The following IDS variants were observed in gnomAD, a reference collection of about 807,000 sequenced individuals.
The protein encoded by IDS is iduronate 2-sulfatase.
IDS carries 1 observed loss-of-function variant against 33.5 expected under a neutral mutation model. The observed-to-expected ratio is 0.03, with a 90% confidence interval of 0.01 to 0.14. The LOEUF (loss-of-function observed/expected upper bound fraction) is 0.14. Ranked by LOEUF, IDS falls within the 10% of genes least tolerant of loss-of-function variation. The pLI is 1.00. For synonymous variants in IDS, 191 were observed against 184.4 expected, an observed-to-expected ratio of 1.04 and a Z score of -0.29; for missense variants, 328 against 448.0, an observed-to-expected ratio of 0.73 and a Z score of 2.42.
In IDS at chrX:149,481,354, A is replaced by G. The variant is rs2089295411; in HGVS notation, c.*1392T>C. The G allele has an allele frequency of 8.9e-6, 1 of 112,532 alleles. No homozygotes were observed. The highest frequency in any genetic ancestry group is 9.4e-5 in the Admixed American group (1 of 10,659). The allele number at this position is 112,532 out of a possible 1,213,427, so 9.3% of individuals were successfully genotyped here. On this transcript the variant is annotated 3_prime_UTR_variant, in exon 9 of 9. Coordinates refer to ENST00000340855, the MANE Select transcript of IDS (RefSeq NM_000202.8). ...ATATAACCTCTATTGTAGGCTAATTAATTTTTAAAATCTGTCTAAAATTTA... is the reference window on the plus strand; with the variant it reads ...ATATAACCTCTATTGTAGGCTAATTGATTTTTAAAATCTGTCTAAAATTTA...
chrX:149,493,585 G>T (rs930560023), intron 6 of IDS, among the ~76,000 whole-genome samples: 6 of 111,440 alleles, frequency 5.4e-5, no homozygotes, highest in African/African-American at 2.0e-4. Context: ...TGGAGAGGCT[G>T]CAGGGTAGGT....
intron 4 of IDS, among the ~76,000 whole-genome samples, chrX:149,500,351 A>G (rs1184566609): frequency 8.9e-6 from 1 of 112,169 alleles, no homozygotes; most frequent in Non-Finnish European, 1.9e-5. Flanking sequence ...ACCCTTCCCA[A>G]CACGATGTTT....
chrX:149,490,245 A>ATT, intron 7 of IDS, 69 bp downstream of exon 7: 1 of 1,142,266 alleles, frequency 8.8e-7, no homozygotes. Context: ...GTCAATGGCA[A>ATT]TTTTGCAAAG....
intron 6 of IDS, among the ~76,000 whole-genome samples, chrX:149,493,024 G>T (rs1217184056): frequency 9.0e-6 from 1 of 111,579 alleles, no homozygotes; most frequent in Non-Finnish European, 1.9e-5. Context: ...AGGGGTGGTG[G>T]CCTGACCACG....
In IDS at chrX:149,483,088, G is replaced by T. The variant is rs1172957364; in HGVS notation, c.1311C>A (p.Asn437Lys). The stretch of plus-strand genomic sequence containing the variant: ...CACGGAATCGAAAATGCTTCAGAAG[G>T]TTCTTGCCTTCTCTGCACAGCTCAA... ...FHVELCREGKNLLKHFRFRDL... is the reference protein window; with the variant it reads ...FHVELCREGKKLLKHFRFRDL... The change falls in exon 9 of 9, where the codon AAC becomes AAA. Residue 437 changes from asparagine (N) to lysine (K), a missense_variant. By Grantham distance (94) the Asn-to-Lys change is moderately conservative. Coordinates refer to ENST00000340855, the MANE Select transcript of IDS (RefSeq NM_000202.8). 2 of 1,206,315 alleles carry T rather than the reference G, an allele frequency of 1.7e-6. No homozygotes were observed. The highest frequency in any genetic ancestry group is 2.2e-6 in the Non-Finnish European group (2 of 892,721).
chrX:149,501,148 TCA>T (rs2089477506), intron 3 of IDS, 111 bp from the exon 4 acceptor site: 2 of 490,156 alleles, frequency 4.1e-6, no homozygotes, highest in Non-Finnish European at 3.5e-6. Context: ...TCTTTGGGGC[TCA>T]GTTTCCTCAT....
chrX:149,482,456 C>A lies in IDS; in HGVS notation c.*290G>T. ...CTTCGTATCCAAAGGTATGACATAACTTGAGTTTGTTTGCTTTGTATTTAT... is the reference window on the plus strand; with the variant it reads ...CTTCGTATCCAAAGGTATGACATAAATTGAGTTTGTTTGCTTTGTATTTAT... On this transcript the variant is annotated 3_prime_UTR_variant, in exon 9 of 9. Coordinates refer to ENST00000340855, the MANE Select transcript of IDS (RefSeq NM_000202.8). 3.1e-6 allele frequency: 1 copy of A among 317,904 alleles called. No homozygotes were observed. Among genetic ancestry groups the A allele is most frequent in the Non-Finnish European group, 5.5e-6 (1 of 181,888 alleles). The allele number at this position is 317,904 out of a possible 1,213,427, so 26.2% of individuals were successfully genotyped here. A position where few individuals can be genotyped will look rare whatever the true frequency, so the allele number is the denominator to read the frequency against.
At chrX:149,496,260 G>T in intron 6 of IDS, 86 bp downstream of exon 6, 1 of 876,926 alleles carries the variant, frequency 1.1e-6, no homozygotes, top group Non-Finnish European at 1.7e-6. Flanking sequence ...CATTATAGGT[G>T]GAGTTGTGTC....
intron 3 of IDS, chrX:149,502,191 TTTA>T (rs2089485720): frequency 3.1e-6 from 1 of 327,128 alleles, no homozygotes; most frequent in Non-Finnish European, 5.9e-6. Context: ...CAGGGAAAGG[TTTA>T]TTCTCTGAGA....
At position 149,480,641 on chromosome X, in the gene IDS, G is replaced by A. The variant is rs781858361; in HGVS notation, c.*2105C>T. The A allele has an allele frequency of 1.2e-5, 3 of 248,160 alleles. No homozygotes were observed. Among genetic ancestry groups the A allele is most frequent in the Non-Finnish European group, 2.1e-5 (3 of 139,835 alleles). The allele number at this position is 248,160 out of a possible 1,213,427, so 20.5% of individuals were successfully genotyped here. The stretch of plus-strand genomic sequence containing the variant: ...ATTACAGGCATGCACCACCACACCC[G>A]GCTAACTTTTGTATTTTTAGTAGAG... On this transcript the variant is annotated 3_prime_UTR_variant, in exon 9 of 9. Transcript: ENST00000340855.
In IDS at chrX:149,505,106, A is replaced by G; in HGVS notation, c.32T>C (p.Leu11Pro). 4 of 1,203,735 alleles carry G rather than the reference A, an allele frequency of 3.3e-6. No homozygotes were observed. In the South Asian group the frequency reaches 7.1e-5, roughly 21 times the overall value. ...GGAGCTCAGAACCAGACCCAGCCAG[A>G]GAAGGCCTCGGCCGGTCCGGGGTGG... MPPPRTGRGL[L>P]WLGLVLSSVC... Residue 11 changes from leucine to proline, a missense_variant, in exon 1 of 9, where the codon CTC becomes CCC. Physicochemically the swap from Leu to Pro is moderately conservative, Grantham distance 98. Transcript: ENST00000340855.
Position 149,504,283 on chromosome X carries a change from G to A in IDS, c.114C>T (p.Asn38=), listed in dbSNP as rs149512799. The change falls in exon 2 of 9, where the codon AAC becomes AAT. Residue 38 remains asparagine, a synonymous_variant. Coordinates refer to ENST00000340855, the MANE Select transcript of IDS (RefSeq NM_000202.8). ...TQANSTTDAL[N]VLLIIVDDLR... is the part of the protein sequence containing the mutation. ...GGTCATCCACGATGATGAGAAGAAC[G>A]TTCAGAGCATCTACACAGGAGGGAG... 34 of 1,201,210 alleles carry A rather than the reference G, an allele frequency of 2.8e-5. No homozygotes were observed. The highest frequency in any genetic ancestry group is 3.6e-5 in the Non-Finnish European group (32 of 890,454).
rs1465230083 is a variant in IDS, at chrX:149,505,301, G to C, written c.-164C>G. 3.6e-5 allele frequency: 11 copies of C among 309,463 alleles called. No homozygotes were observed. Among genetic ancestry groups the C allele is most frequent in the African/African-American group, 1.7e-4 (6 of 36,340 alleles). The allele number at this position is 309,463 out of a possible 1,213,427, so 25.5% of individuals were successfully genotyped here. On this transcript the variant is annotated 5_prime_UTR_variant, in exon 1 of 9. Coordinates refer to ENST00000340855, the MANE Select transcript of IDS (RefSeq NM_000202.8). The stretch of plus-strand genomic sequence containing the variant: ...CGCAGGCCCGGGCGCTGGCCGCAGC[G>C]CGAGTGCGTCCGTGCGACTCTTCCC...
At chrX:149,499,299 G>A (rs1557339659) in intron 4 of IDS, 3 of 107,026 alleles carry the variant, frequency 2.8e-5, no homozygotes, top group African/African-American at 6.9e-5. Context: ...GGAGGCTACA[G>A]TGAGCTGAGA....
intron 8 of IDS, among the ~76,000 whole-genome samples, chrX:149,486,072 G>A (rs782691424): frequency 6.4e-4 from 72 of 111,672 alleles, no homozygotes; most frequent in African/African-American, 2.2e-3. Context: ...AAGAGCAAAC[G>A]TCATACGTCA....
intron 7 of IDS, among the ~76,000 whole-genome samples, chrX:149,489,556 T>C (rs2089370848): frequency 8.9e-6 from 1 of 112,392 alleles, no homozygotes; most frequent in Non-Finnish European, 1.9e-5. Context: ...ATTATCCTAT[T>C]TCATATTTGA....
Position 149,505,304 on chromosome X carries a change from A to T in IDS, c.-167T>A. On this transcript the variant is annotated 5_prime_UTR_variant, in exon 1 of 9. Coordinates refer to ENST00000340855, the MANE Select transcript of IDS (RefSeq NM_000202.8). ...AGGCCCGGGCGCTGGCCGCAGCGCG[A>T]GTGCGTCCGTGCGACTCTTCCCTGC... 2 of 308,928 alleles carry T rather than the reference A, an allele frequency of 6.5e-6. No individual in the cohort carries two copies. The highest frequency in any genetic ancestry group is 2.9e-4 in the South Asian group (2 of 6,864). The allele number at this position is 308,928 out of a possible 1,213,427, so 25.5% of individuals were successfully genotyped here. A position where few individuals can be genotyped will look rare whatever the true frequency, so the allele number is the denominator to read the frequency against.
At position 149,505,288 on chromosome X, in the gene IDS, C is replaced by T. The variant is rs1295118948; in HGVS notation, c.-151G>A. On this transcript the variant is annotated 5_prime_UTR_variant, in exon 1 of 9. Coordinates refer to ENST00000340855, the MANE Select transcript of IDS (RefSeq NM_000202.8). ...CGCCGCCCGGGCCCGCAGGCCCGGG[C>T]GCTGGCCGCAGCGCGAGTGCGTCCG... 9.5e-6 allele frequency: 3 copies of T among 316,909 alleles called. No homozygotes were observed. The highest frequency in any genetic ancestry group is 1.4e-4 in the South Asian group (1 of 7,006). The allele number at this position is 316,909 out of a possible 1,213,427, so 26.1% of individuals were successfully genotyped here.
At chrX:149,502,918 C>T (rs1417196690) in intron 3 of IDS, 4 of 368,095 alleles carry the variant, frequency 1.1e-5, no homozygotes, top group Admixed American at 9.5e-5. Flanking sequence ...AACAGCAATG[C>T]TGGCCACACG....
Sources: allele counts gnomAD v4.1 joint callset (sites outside exome capture counted in the v4.1 genomes callset), GRCh38; gene constraint gnomAD v4.1.1; transcripts MANE v1.5; gene names NCBI Gene and HGNC (gene_info 2026-07-23, HGNC 2026-07-21).